The following GRK4 variants were observed in gnomAD, a reference collection of about 807,000 sequenced individuals.
GRK4 encodes the protein G protein-coupled receptor kinase 2-like.
GRK4 carries 73 observed loss-of-function variants against 77.9 expected under a neutral mutation model. That is an observed-to-expected ratio of 0.94 (90% CI 0.78 to 1.14). GRK4 has a LOEUF of 1.14. Ranked by LOEUF, GRK4 falls within the 50% of genes most tolerant of loss-of-function variation. GRK4 has a pLI of 0.00. For missense variants in GRK4, 729 were observed against 700.2 expected, an observed-to-expected ratio of 1.04 and a Z score of -0.46; for synonymous variants, 257 against 254.4, an observed-to-expected ratio of 1.01 and a Z score of -0.10.
In GRK4 at chr4:3,005,497, C is replaced by A. The variant is rs564664014; in HGVS notation, c.443+1163C>A. ...GCTGGACCCTGATGCTTTAATGATG[C>A]GGCTGCCTCTAAAATAACACACAGG... On this transcript the variant is annotated intron_variant, in intron 5 of 15. Coordinates refer to ENST00000398052, the MANE Select transcript of GRK4 (RefSeq NM_182982.3). Among the ~76,000 whole-genome samples the A allele has an allele frequency of 3.3e-5, 5 of 152,068 alleles. No homozygotes were observed. In the East Asian group the frequency reaches 9.7e-4, roughly 29 times the overall value.
intron 7 of GRK4, among the ~76,000 whole-genome samples, chr4:3,013,393 C>T (rs1169687314): frequency 6.6e-6 from 1 of 152,094 alleles, no homozygotes; most frequent in South Asian, 2.1e-4. Flanking sequence ...AACTTTTGCA[C>T]TTTTACAAAA....
intron 5 of GRK4, among the ~76,000 whole-genome samples, chr4:3,007,017 C>T (rs1731537204): frequency 6.6e-6 from 1 of 152,106 alleles, no homozygotes; most frequent in East Asian, 1.9e-4. Flanking sequence ...TACATGTGCA[C>T]TAAGTGACAT....
intron 1 of GRK4, among the ~76,000 whole-genome samples, chr4:2,982,834 C>A (rs1469176773): frequency 6.6e-6 from 1 of 152,214 alleles, no homozygotes; most frequent in Non-Finnish European, 1.5e-5. Context: ...TTTCCCCACC[C>A]TTCAGTGACA....
intron 7 of GRK4, among the ~76,000 whole-genome samples, chr4:3,012,678 G>A (rs1733235612): frequency 1.3e-5 from 2 of 152,040 alleles, no homozygotes; most frequent in Admixed American, 1.3e-4. Flanking sequence ...CAGAACCTGA[G>A]GCTCATGATA....
rs1716472496 is a variant in GRK4, at chr4:2,963,883, G to C, written c.-188G>C. The C allele has an allele frequency of 1.2e-5, 8 of 655,568 alleles. No individual in the cohort carries two copies. In the South Asian group the frequency reaches 1.4e-4, roughly 11 times the overall value. 40.6% of individuals were successfully genotyped at this position (655,568 alleles called of 1,614,324 possible). On this transcript the variant is annotated 5_prime_UTR_variant, in exon 1 of 16. Coordinates refer to ENST00000398052, the MANE Select transcript of GRK4 (RefSeq NM_182982.3). ...CGCTCCCCTGCTGGTGAGGGCCTGCGGAGGCGGCGGCGGCGGCGCCCTTGG... is the reference window on the plus strand; with the variant it reads ...CGCTCCCCTGCTGGTGAGGGCCTGCCGAGGCGGCGGCGGCGGCGCCCTTGG...
intron 11 of GRK4, 55 bp downstream of exon 11, chr4:3,028,056 T>G: frequency 1.3e-6 from 2 of 1,496,700 alleles, no homozygotes. Flanking sequence ...CCTGAGTGCC[T>G]CAGAACACAG....
chr4:3,000,982 G>A (rs1729390516), intron 4 of GRK4, among the ~76,000 whole-genome samples: 1 of 151,156 alleles, frequency 6.6e-6, no homozygotes, highest in African/African-American at 2.4e-5. Context: ...TTTCAGTCTT[G>A]GCTCTCCCCT....
intron 1 of GRK4, among the ~76,000 whole-genome samples, chr4:2,972,021 G>A (rs533672307): frequency 6.6e-6 from 1 of 152,256 alleles, no homozygotes; most frequent in South Asian, 2.1e-4. Context: ...GGGCTAACTG[G>A]GGAATAGAAC....
In GRK4 at chr4:2,984,516, G is replaced by T. The variant is rs753246270; in HGVS notation, c.56G>T (p.Gly19Val). 3.1e-6 allele frequency: 5 copies of T among 1,605,528 alleles called. No individual in the cohort carries two copies. In the Admixed American group the frequency reaches 5.0e-5, roughly 16 times the overall value. Residue 19 changes from glycine (G) to valine (V), a missense_variant, in exon 2 of 16, where the codon GGA becomes GTA. Gly to Val is a moderately radical substitution (Grantham distance 109, BLOSUM62 -3). Transcript: ENST00000398052. The stretch of plus-strand genomic sequence containing the variant: ...GCCTTTTTTCTCCCAAATTCAGGAG[G>T]ATATGGCAAAAAAAGTGGTCGTAGT... ...NSLLLKARQG[G>V]YGKKSGRSKK... is the part of the protein sequence containing the mutation.
intron 10 of GRK4, among the ~76,000 whole-genome samples, chr4:3,023,568 G>C (rs1401496504): frequency 1.3e-5 from 2 of 152,214 alleles, no homozygotes; most frequent in Admixed American, 6.5e-5. Context: ...TGTGAGGAAG[G>C]AGGGTACTGG....
chr4:3,019,872 G>A (rs1735594684), intron 9 of GRK4, 41 bp downstream of exon 9: 2 of 1,565,378 alleles, frequency 1.3e-6, no homozygotes, highest in Admixed American at 1.8e-5. Flanking sequence ...AAGTCTTGGA[G>A]CCGGTTTCTC....
chr4:2,998,355 TA>T (rs905892585), intron 4 of GRK4, among the ~76,000 whole-genome samples: 55 of 145,972 alleles, frequency 3.8e-4, no homozygotes, highest in South Asian at 1.3e-3. Flanking sequence ...AGACTCTGTT[TA>T]AAAAAAAAAA....
chr4:3,014,077 A>G (rs950646127), intron 8 of GRK4, among the ~76,000 whole-genome samples: 2 of 152,126 alleles, frequency 1.3e-5, no homozygotes. Context: ...ATAAATCTGT[A>G]GTCCCCCGCC....
intron 8 of GRK4, among the ~76,000 whole-genome samples, chr4:3,019,137 A>C (rs1451939975): frequency 6.6e-6 from 1 of 152,194 alleles, no homozygotes; most frequent in African/African-American, 2.4e-5. Context: ...AATTATATGA[A>C]AGGGTCCCCT....
Position 2,978,181 on chromosome 4 carries a change from A to G in GRK4, c.53-6332A>G, listed in dbSNP as rs556540751. 1.4e-4 allele frequency among the ~76,000 whole-genome samples: 22 copies of G among 152,344 alleles called. No homozygotes were observed. In the East Asian group the frequency reaches 3.9e-3, roughly 27 times the overall value. Reference sequence around the variant, plus strand: ...AAGATCCATATTGAGTGGGAAGAAAAAGGGAAAACAACTTTCATCTTTAAA... The same window carrying G: ...AAGATCCATATTGAGTGGGAAGAAAGAGGGAAAACAACTTTCATCTTTAAA... On this transcript the variant is annotated intron_variant, in intron 1 of 15. Coordinates refer to ENST00000398052, the MANE Select transcript of GRK4 (RefSeq NM_182982.3).
At chr4:3,005,210 C>T (rs1730944269) in intron 5 of GRK4, among the ~76,000 whole-genome samples, 1 of 151,918 alleles carries the variant, frequency 6.6e-6, no homozygotes, top group Non-Finnish European at 1.5e-5. Context: ...ATCTGCAGTG[C>T]CTTGTGTATG....
intron 10 of GRK4, among the ~76,000 whole-genome samples, chr4:3,023,555 C>G (rs1736652186): frequency 6.6e-6 from 1 of 152,148 alleles, no homozygotes; most frequent in Non-Finnish European, 1.5e-5. Flanking sequence ...TGACACCCTG[C>G]CCTGTGAGGA....
rs771757282 is a variant in GRK4 at position 3,001,326 on chromosome 4, TAC to T, written c.340-2877_340-2876del. On this transcript the variant is annotated intron_variant, in intron 4 of 15. Coordinates refer to ENST00000398052, the MANE Select transcript of GRK4 (RefSeq NM_182982.3). ...GTATATATGTGTGTGTGAGTACATA[TAC>T]ACACACACACACACACACACACACA... Among the ~76,000 whole-genome samples, 442 of 115,046 alleles carry T rather than the reference TAC, an allele frequency of 3.8e-3. 10 individuals are homozygous for T. Among genetic ancestry groups the T allele is most frequent in the South Asian group, 0.013 (52 of 3,924 alleles). 75.5% of individuals were successfully genotyped at this position (115,046 alleles called of 152,430 possible).
chr4:3,009,769 T>C, intron 7 of GRK4, 58 bp downstream of exon 7: 1 of 1,287,302 alleles, frequency 7.8e-7, no homozygotes, highest in Admixed American at 1.7e-5. Context: ...AGCAAGGTCC[T>C]GAGAACATGG....
Sources: allele counts gnomAD v4.1 joint callset (sites outside exome capture counted in the v4.1 genomes callset), GRCh38; gene constraint gnomAD v4.1.1; transcripts MANE v1.5; gene names NCBI Gene and HGNC (gene_info 2026-07-23, HGNC 2026-07-21).